The following ABL2 variants were observed in gnomAD, a reference collection of about 807,000 sequenced individuals.
ABL2 encodes the protein ABL proto-oncogene 2, non-receptor tyrosine kinase, also known as tyrosine-protein kinase ABL2.
In ABL2, 49 loss-of-function variants were observed where a neutral mutation model predicts 107.7. The observed-to-expected ratio is 0.45, with a 90% CI of 0.36 to 0.58. The LOEUF is 0.58. Ranked by LOEUF, ABL2 falls within the 20% of genes least tolerant of loss-of-function variation. The pLI is 0.00. For synonymous variants in ABL2, 549 were observed against 548.6 expected (o/e 1.00, Z -0.01); for missense variants, 1,245 against 1,457.0 (o/e 0.85, Z 2.37).
At chr1:179,111,713 TAAGTTA>T (rs1654094558) in intron 10 of ABL2, among the ~76,000 whole-genome samples, 1 of 152,250 alleles carries the variant, frequency 6.6e-6, no homozygotes, top group Non-Finnish European at 1.5e-5. Flanking sequence ...CCTCGTTTAC[TAAGTTA>T]AAGTTAACCT....
At chr1:179,198,938 T>A (rs1661497302) in intron 1 of ABL2, among the ~76,000 whole-genome samples, 1 of 150,236 alleles carries the variant, frequency 6.7e-6, no homozygotes, top group Non-Finnish European at 1.5e-5. Flanking sequence ...GCCTCCCAGG[T>A]CCAAGCGATT....
At chr1:179,175,281 T>C (rs1418450394) in intron 1 of ABL2, among the ~76,000 whole-genome samples, 2 of 147,864 alleles carry the variant, frequency 1.4e-5, no homozygotes, top group South Asian at 2.1e-4. Flanking sequence ...ATAGCCACAA[T>C]AGCAATAGGA....
intron 1 of ABL2, among the ~76,000 whole-genome samples, chr1:179,141,306 T>A (rs1349511327): frequency 2.0e-5 from 3 of 150,300 alleles, no homozygotes; most frequent in Non-Finnish European, 3.0e-5. Flanking sequence ...AAAAAAAAAA[T>A]TAGATTAATA....
intron 1 of ABL2, among the ~76,000 whole-genome samples, chr1:179,173,839 T>C (rs1332751648): frequency 8.1e-6 from 1 of 123,834 alleles, no homozygotes; most frequent in African/African-American, 3.1e-5. Context: ...CTTACCTGGA[T>C]ATTAATTTAA....
At chr1:179,190,549 A>C (rs190173570) in intron 1 of ABL2, among the ~76,000 whole-genome samples, 68 of 151,902 alleles carry the variant, frequency 4.5e-4, no homozygotes, top group Non-Finnish European at 1.5e-4. Context: ...ATTGTTGATG[A>C]CGTTGATGAC....
At chr1:179,217,220 G>A (rs1356284560) in intron 1 of ABL2, among the ~76,000 whole-genome samples, 1 of 152,024 alleles carries the variant, frequency 6.6e-6, no homozygotes, top group East Asian at 1.9e-4. Context: ...CTTGAACTCA[G>A]AAGGCCGAGG....
Position 179,120,100 on chromosome 1 carries a change from A to G in ABL2, c.1045+90T>C, listed in dbSNP as rs1655041618. ...GAGCGAGACCCTGTCTCTATATTTA[A>G]AAAGAAAAAAAAAAAGCATTTGGAG... On this transcript the variant is annotated intron_variant, in intron 6 of 11. Coordinates refer to ENST00000502732, the MANE Select transcript of ABL2 (RefSeq NM_007314.4). The G allele has an allele frequency of 5.0e-6, 4 of 805,702 alleles. No individual in the cohort carries two copies. In the South Asian group the frequency reaches 8.4e-5, roughly 17 times the overall value. The allele number at this position is 805,702 out of a possible 1,614,324, so 49.9% of individuals were successfully genotyped here.
chr1:179,206,997 C>G (rs761306602), intron 1 of ABL2, among the ~76,000 whole-genome samples: 4 of 152,096 alleles, frequency 2.6e-5, no homozygotes, highest in Admixed American at 6.6e-5. Flanking sequence ...AAGAGAGAGA[C>G]AGAATATGCA....
chr1:179,214,449 A>G (rs1019572039), intron 1 of ABL2, among the ~76,000 whole-genome samples: 5 of 150,208 alleles, frequency 3.3e-5, no homozygotes, highest in Non-Finnish European at 7.4e-5. Flanking sequence ...TAAGCTTACA[A>G]TAATTAAAAT....
chr1:179,109,304 A>T lies in ABL2; in HGVS notation c.1963T>A (p.Ser655Thr). 6.2e-7 allele frequency: 1 copy of T among 1,613,970 alleles called. No homozygotes were observed. The highest frequency in any genetic ancestry group is 8.5e-7 in the Non-Finnish European group (1 of 1,179,992). ...GGAGCATTTCTCTTCTTCATGAAGG[A>T]GCTGAAGAAGCCCCCCTTCCTATCC... is the stretch of plus-strand genomic sequence containing the variant. The part of the protein sequence containing the change: ...TRDRKGGFFS[S>T]FMKKRNAPTP... Residue 655 changes from serine (S) to threonine (T), a missense_variant, in exon 12 of 12, where the codon TCC becomes ACC. Transcript: ENST00000502732.
intron 1 of ABL2, among the ~76,000 whole-genome samples, chr1:179,150,031 A>G (rs576088329): frequency 6.6e-6 from 1 of 152,304 alleles, no homozygotes; most frequent in Admixed American, 6.5e-5. Flanking sequence ...CAGGAGTTCA[A>G]GACCAGCTTG....
chr1:179,224,701 A>G (rs1412098937), intron 1 of ABL2, among the ~76,000 whole-genome samples: 2 of 152,108 alleles, frequency 1.3e-5, no homozygotes, highest in Non-Finnish European at 2.9e-5. Flanking sequence ...GTCATGAAAC[A>G]TCAGCTCACC....
intron 1 of ABL2, among the ~76,000 whole-genome samples, chr1:179,194,301 C>A (rs1283990824): frequency 6.6e-6 from 1 of 152,086 alleles, no homozygotes; most frequent in African/African-American, 2.4e-5. Flanking sequence ...AATCAATCAT[C>A]CTTAATAGTT....
At chr1:179,203,102 G>T (rs1661761156) in intron 1 of ABL2, among the ~76,000 whole-genome samples, 4 of 152,082 alleles carry the variant, frequency 2.6e-5, no homozygotes, top group Non-Finnish European at 4.4e-5. Flanking sequence ...GTTTTTGCTT[G>T]ATTTTTTCCC....
At chr1:179,208,328 G>C (rs1662091213) in intron 1 of ABL2, among the ~76,000 whole-genome samples, 1 of 151,102 alleles carries the variant, frequency 6.6e-6, no homozygotes, top group Admixed American at 6.6e-5. Context: ...ATAGTTCCCA[G>C]TGTCTATTAT....
intron 1 of ABL2, chr1:179,184,376 A>C: frequency 1.3e-6 from 1 of 780,350 alleles, no homozygotes; most frequent in Admixed American, 2.6e-5. Flanking sequence ...ATGCGATGAA[A>C]CATTCAAGTC....
At chr1:179,156,878 T>C (rs535996217) in intron 1 of ABL2, among the ~76,000 whole-genome samples, 7 of 133,646 alleles carry the variant, frequency 5.2e-5, no homozygotes, top group African/African-American at 2.1e-4. Context: ...TGAGAGTCTG[T>C]CTCAAAATAA....
At chr1:179,124,464 C>CTTTTTTTTTTTTTTTTTTTTTT (rs562899587) in intron 4 of ABL2, among the ~76,000 whole-genome samples, 1 of 83,350 alleles carries the variant, frequency 1.2e-5, no homozygotes, top group African/African-American at 5.3e-5. Flanking sequence ...TTAGCTTCTG[C>CTTTTTTTTTTTTTTTTTTTTTT]TTTTTTTTTT....
At chr1:179,198,550 A>G (rs1661461411) in intron 1 of ABL2, among the ~76,000 whole-genome samples, 1 of 151,424 alleles carries the variant, frequency 6.6e-6, no homozygotes, top group Non-Finnish European at 1.5e-5. Flanking sequence ...AAAAGTAGCC[A>G]GGCGTGGTGT....
Sources: gnomAD v4.1 joint callset for allele counts (sites outside exome capture counted in the v4.1 genomes callset) on GRCh38, gnomAD v4.1.1 for gene constraint, MANE v1.5 for transcripts, NCBI Gene and HGNC (gene_info 2026-07-23, HGNC 2026-07-21) for gene names.